GRIA2: variants seen among roughly 807,000 people sequenced by gnomAD.
GRIA2 encodes glutamate ionotropic receptor AMPA type subunit 2.
Under a neutral mutation model 97.3 loss-of-function variants are expected in GRIA2, and 14 were observed. The ratio of observed to expected loss-of-function variants is 0.14; its 90% CI spans 0.10 to 0.23. The LOEUF (loss-of-function observed/expected upper bound fraction) is 0.23. Ranked by LOEUF, GRIA2 falls within the 10% of genes least tolerant of loss-of-function variation. GRIA2 has a pLI of 1.00. For synonymous variants in GRIA2, 412 were observed against 387.8 expected (o/e 1.06, Z -0.73); for missense variants, 558 against 1,069.8 (o/e 0.52, Z 6.67).
At chr4:157,312,927 T>C in intron 4 of GRIA2, 52 bp downstream of exon 4, 1 of 1,049,834 alleles carries the variant, frequency 9.5e-7, no homozygotes, top group East Asian at 2.5e-5. Context: ...ATGCATGCAA[T>C]GTCAGCATTT....
intron 2 of GRIA2, among the ~76,000 whole-genome samples, chr4:157,261,345 G>A (rs1391567137): frequency 6.6e-6 from 1 of 152,092 alleles, no homozygotes; most frequent in African/African-American, 2.4e-5. Context: ...ATGTGGGTAT[G>A]CACTAAATGT....
At chr4:157,288,230 A>G (rs923684280) in intron 2 of GRIA2, among the ~76,000 whole-genome samples, 1 of 151,716 alleles carries the variant, frequency 6.6e-6, no homozygotes, top group Non-Finnish European at 1.5e-5. Context: ...CTCTAAATTG[A>G]AATGAATCTT....
At chr4:157,240,083 C>T (rs1052046819) in intron 2 of GRIA2, among the ~76,000 whole-genome samples, 2 of 151,768 alleles carry the variant, frequency 1.3e-5, no homozygotes, top group Non-Finnish European at 2.9e-5. Flanking sequence ...GCTTTAAATA[C>T]ATTTTCTTTA....
intron 2 of GRIA2, among the ~76,000 whole-genome samples, chr4:157,275,862 G>C (rs1322805238): frequency 6.6e-6 from 1 of 151,902 alleles, no homozygotes; most frequent in African/African-American, 2.4e-5. Flanking sequence ...GCTCTTTTTT[G>C]GTTCCATATG....
chr4:157,355,114 A>T (rs1410539126), intron 12 of GRIA2, among the ~76,000 whole-genome samples: 15 of 152,174 alleles, frequency 9.9e-5, no homozygotes, highest in Admixed American at 9.8e-4. Context: ...TCTCCAGCTC[A>T]TATTAAAACA....
intron 3 of GRIA2, among the ~76,000 whole-genome samples, chr4:157,307,298 C>T (rs1388896985): frequency 6.6e-6 from 1 of 152,150 alleles, no homozygotes; most frequent in Non-Finnish European, 1.5e-5. Flanking sequence ...TGCTGAGCAA[C>T]AGGCCAAGAG....
At chr4:157,227,975 A>G (rs1184077775) in intron 2 of GRIA2, among the ~76,000 whole-genome samples, 1 of 152,262 alleles carries the variant, frequency 6.6e-6, no homozygotes, top group Non-Finnish European at 1.5e-5. Context: ...AATGCTGTTC[A>G]TAAGATGTCT....
chr4:157,279,235 G>A (rs1251883288), intron 2 of GRIA2, among the ~76,000 whole-genome samples: 1 of 151,990 alleles, frequency 6.6e-6, no homozygotes, highest in Non-Finnish European at 1.5e-5. Flanking sequence ...TGGATACTGT[G>A]GTACATCCAG....
intron 12 of GRIA2, 126 bp downstream of exon 12, chr4:157,341,588 T>C: frequency 1.5e-6 from 1 of 661,670 alleles, no homozygotes; most frequent in South Asian, 1.8e-5. Context: ...TTTCTTTTCT[T>C]GACTTTGTCT....
intron 2 of GRIA2, among the ~76,000 whole-genome samples, chr4:157,272,542 A>G (rs1318068298): frequency 6.6e-6 from 1 of 152,086 alleles, no homozygotes; most frequent in African/African-American, 2.4e-5. Context: ...AGACCCAGTC[A>G]TTGCTCACTC....
chr4:157,285,153 C>T (rs1732780351), intron 2 of GRIA2, among the ~76,000 whole-genome samples: 1 of 151,400 alleles, frequency 6.6e-6, no homozygotes, highest in African/African-American at 2.4e-5. Context: ...TGAGCATTTC[C>T]CTGATTTATA....
intron 2 of GRIA2, among the ~76,000 whole-genome samples, chr4:157,302,221 C>G (rs570377303): frequency 2.6e-5 from 4 of 151,316 alleles, no homozygotes; most frequent in Admixed American, 6.6e-5. Flanking sequence ...TTACTAGTAG[C>G]TTTAAGCACT....
At chr4:157,325,495 G>C (rs1366644393) in intron 6 of GRIA2, among the ~76,000 whole-genome samples, 1 of 152,060 alleles carries the variant, frequency 6.6e-6, no homozygotes, top group Non-Finnish European at 1.5e-5. Context: ...ACAAAGTTCT[G>C]GCCCTTAAGG....
At chr4:157,325,750 C>T (rs1734776249) in intron 6 of GRIA2, among the ~76,000 whole-genome samples, 1 of 152,144 alleles carries the variant, frequency 6.6e-6, no homozygotes, top group African/African-American at 2.4e-5. Flanking sequence ...TTGTAATCTA[C>T]ATCCTATGAA....
intron 9 of GRIA2, chr4:157,334,438 C>T: frequency 4.9e-6 from 1 of 205,792 alleles, no homozygotes; most frequent in Admixed American, 5.3e-5. Context: ...TCCATTCCCA[C>T]CCGATACTGT....
chr4:157,238,181 C>A (rs539059428), intron 2 of GRIA2, among the ~76,000 whole-genome samples: 1 of 152,046 alleles, frequency 6.6e-6, no homozygotes, highest in Non-Finnish European at 1.5e-5. Context: ...TTGATTTAAA[C>A]TGGAATACTA....
At chr4:157,232,884 G>A (rs1323242090) in intron 2 of GRIA2, among the ~76,000 whole-genome samples, 1 of 152,138 alleles carries the variant, frequency 6.6e-6, no homozygotes, top group African/African-American at 2.4e-5. Flanking sequence ...TATGACATTG[G>A]ACAAGTTTCT....
intron 3 of GRIA2, among the ~76,000 whole-genome samples, 189 bp from the exon 4 acceptor site, chr4:157,312,490 G>C (rs1473522529): frequency 6.6e-6 from 1 of 152,212 alleles, no homozygotes; most frequent in African/African-American, 2.4e-5. Context: ...TAGGTAATGA[G>C]TTTTTGATGT....
At chr4:157,349,517 CA>C (rs1288679956) in intron 12 of GRIA2, among the ~76,000 whole-genome samples, 2 of 135,786 alleles carry the variant, frequency 1.5e-5, no homozygotes, top group Non-Finnish European at 3.1e-5. Flanking sequence ...TTTGTAACCT[CA>C]AAATATTGAA....
Sources: gnomAD v4.1 joint callset for allele counts (sites outside exome capture counted in the v4.1 genomes callset) on GRCh38, gnomAD v4.1.1 for gene constraint, MANE v1.5 for transcripts, NCBI Gene and HGNC (gene_info 2026-07-23, HGNC 2026-07-21) for gene names.